Variants in SH3KBP1 observed in about 807,000 individuals in gnomAD.
The protein encoded by SH3KBP1 is SH3 domain containing kinase binding protein 1.
A neutral mutation model predicts 50.1 loss-of-function variants in SH3KBP1; 8 were observed. The observed-to-expected ratio is 0.16, with a 90% CI of 0.09 to 0.29. The LOEUF (loss-of-function observed/expected upper bound fraction) is 0.29. SH3KBP1 is among the 10% of genes least tolerant of loss of function. SH3KBP1 has a pLI of 1.00. For synonymous variants in SH3KBP1, 227 were observed against 218.6 expected (o/e 1.04, Z -0.34); for missense variants, 377 against 535.2 (o/e 0.70, Z 2.92).
rs188150599 is a variant in SH3KBP1 at position 19,722,633 on chromosome X, C to T, written c.287-15649G>A. 1.1e-4 allele frequency among the ~76,000 whole-genome samples: 11 copies of T among 103,898 alleles called. No individual in the cohort carries two copies. The East Asian group carries it at 2.1e-3, about 20-fold the overall frequency. The allele number at this position is 103,898 out of a possible 115,157, so 90.2% of individuals were successfully genotyped here. A position where few individuals can be genotyped will look rare whatever the true frequency, so the allele number is the denominator to read the frequency against. ...GTGTGTGTCCGTCCCCAGTGCCTGC[C>T]GGGCTGCAAGCACAGAAATATTCCA... On this transcript the variant is annotated intron_variant, in intron 3 of 17. Transcript: ENST00000397821.
chrX:19,879,822 G>A (rs2069378797), intron 1 of SH3KBP1, among the ~76,000 whole-genome samples: 1 of 113,266 alleles, frequency 8.8e-6, no homozygotes, highest in South Asian at 3.5e-4. Flanking sequence ...ATGAAGTAAG[G>A]AAATGGTGCT....
At chrX:19,783,745 A>T (rs1040359519) in intron 2 of SH3KBP1, among the ~76,000 whole-genome samples, 3 of 111,198 alleles carry the variant, frequency 2.7e-5, no homozygotes, top group Non-Finnish European at 5.7e-5. Flanking sequence ...GAAAACAAAT[A>T]AAAAAAAACT....
At chrX:19,566,382 G>A (rs745820227) in intron 13 of SH3KBP1, among the ~76,000 whole-genome samples, 10 of 99,876 alleles carry the variant, frequency 1.0e-4, no homozygotes, top group Non-Finnish European at 2.0e-4. Flanking sequence ...TCATGATAGC[G>A]ATCATAGACA....
chrX:19,808,206 C>A (rs1350056968), intron 2 of SH3KBP1, among the ~76,000 whole-genome samples: 2 of 110,950 alleles, frequency 1.8e-5, no homozygotes, highest in Non-Finnish European at 3.8e-5. Context: ...AAAATATACA[C>A]AGCGGGCCTG....
At chrX:19,637,773 G>A (rs2061741796) in intron 7 of SH3KBP1, among the ~76,000 whole-genome samples, 1 of 111,472 alleles carries the variant, frequency 9.0e-6, no homozygotes, top group South Asian at 3.8e-4. Flanking sequence ...CTCATCATCA[G>A]AGAAGCTTTA....
chrX:19,731,190 CG>C (rs1356300454), intron 3 of SH3KBP1, among the ~76,000 whole-genome samples: 1 of 112,267 alleles, frequency 8.9e-6, no homozygotes, highest in Non-Finnish European at 1.9e-5. Flanking sequence ...CCGCCCGCCT[CG>C]GCCTCCCAAA....
intron 2 of SH3KBP1, among the ~76,000 whole-genome samples, chrX:19,816,327 T>C (rs2067353939): frequency 8.9e-6 from 1 of 112,342 alleles, no homozygotes; most frequent in African/African-American, 3.2e-5. Flanking sequence ...TGAATGTCTG[T>C]TCGTGTATTT....
chrX:19,689,529 T>A lies in SH3KBP1; in HGVS notation c.521-5501A>T, dbSNP rs147341150. 4.5e-5 allele frequency among the ~76,000 whole-genome samples: 5 copies of A among 112,296 alleles called. No homozygotes were observed. The East Asian group carries it at 1.4e-3, about 31-fold the overall frequency. On this transcript the variant is annotated intron_variant, in intron 5 of 17. Coordinates refer to ENST00000397821, the MANE Select transcript of SH3KBP1 (RefSeq NM_031892.3). Reference sequence around the variant, plus strand: ...ATGTCTCTGAATGGTTAAGCCTTCCTGCAAAGTCTCTCTGTGCATTGGCAG... The same window carrying A: ...ATGTCTCTGAATGGTTAAGCCTTCCAGCAAAGTCTCTCTGTGCATTGGCAG...
chrX:19,801,475 T>C (rs1474185928), intron 2 of SH3KBP1, among the ~76,000 whole-genome samples: 1 of 112,255 alleles, frequency 8.9e-6, no homozygotes, highest in African/African-American at 3.2e-5. Flanking sequence ...AAGCAGTAAC[T>C]AACCGGGTAG....
intron 5 of SH3KBP1, among the ~76,000 whole-genome samples, chrX:19,685,091 C>G (rs907626789): frequency 1.8e-5 from 2 of 112,353 alleles, no homozygotes; most frequent in Admixed American, 9.4e-5. Context: ...TGTAGAATAG[C>G]TCCTGAACAT....
chrX:19,743,707 G>A (rs1013430237), intron 3 of SH3KBP1, among the ~76,000 whole-genome samples: 1 of 112,278 alleles, frequency 8.9e-6, no homozygotes, highest in African/African-American at 3.2e-5. Context: ...TTGCTGCAAA[G>A]TGAGGCATGT....
At chrX:19,674,741 C>A (rs2062885855) in intron 6 of SH3KBP1, among the ~76,000 whole-genome samples, 1 of 111,787 alleles carries the variant, frequency 8.9e-6, no homozygotes, top group African/African-American at 3.3e-5. Context: ...ACAGATATAG[C>A]AAAATTCAAT....
chrX:19,743,095 C>A (rs1311322463), intron 3 of SH3KBP1, among the ~76,000 whole-genome samples: 1 of 111,514 alleles, frequency 9.0e-6, no homozygotes, highest in Non-Finnish European at 1.9e-5. Context: ...TCTCTCAATT[C>A]CAGTCACATC....
intron 4 of SH3KBP1, among the ~76,000 whole-genome samples, chrX:19,706,140 T>A: frequency 9.0e-6 from 1 of 111,726 alleles, no homozygotes; most frequent in Middle Eastern, 4.6e-3. Flanking sequence ...TTCTGTAAGG[T>A]CAGAGGGTAT....
At chrX:19,804,284 T>G in intron 2 of SH3KBP1, among the ~76,000 whole-genome samples, 1 of 110,873 alleles carries the variant, frequency 9.0e-6, no homozygotes, top group East Asian at 2.8e-4. Flanking sequence ...TAATCATGAC[T>G]TCTCTTTTCC....
rs754960984 is a variant in SH3KBP1, at chrX:19,588,295, C to T, written c.1298+348G>A. ...GAGGCCGGCACAACATCCAGGGGGA[C>T]AAAGAGGGACACGCCACCTGCATTT... On this transcript the variant is annotated intron_variant, in intron 12 of 17. Transcript: ENST00000397821. 7 of 1,037,406 alleles carry T rather than the reference C, an allele frequency of 6.7e-6. No individual in the cohort carries two copies. The East Asian group carries it at 2.0e-4, about 30-fold the overall frequency. 85.5% of individuals were successfully genotyped at this position (1,037,406 alleles called of 1,213,427 possible).
chrX:19,826,037 T>C (rs1478909699), intron 2 of SH3KBP1, among the ~76,000 whole-genome samples: 14 of 112,192 alleles, frequency 1.2e-4, no homozygotes, highest in Admixed American at 3.8e-4. Context: ...GCAGCCATTA[T>C]TACTCCATAA....
At chrX:19,561,072 T>TCAAAAAA in intron 13 of SH3KBP1, among the ~76,000 whole-genome samples, 2 of 48,108 alleles carry the variant, frequency 4.2e-5, no homozygotes, top group African/African-American at 6.8e-5. Flanking sequence ...AGACCCTGTC[T>TCAAAAAA]AAAAAAAAAA....
intron 2 of SH3KBP1, among the ~76,000 whole-genome samples, chrX:19,832,178 A>C (rs2067915759): frequency 8.9e-6 from 1 of 112,055 alleles, no homozygotes; most frequent in Admixed American, 9.5e-5. Context: ...TCTCAAGAGC[A>C]TGTCTTCCCC....
Sources: allele counts gnomAD v4.1 joint callset (sites outside exome capture counted in the v4.1 genomes callset), GRCh38; gene constraint gnomAD v4.1.1; transcripts MANE v1.5; gene names NCBI Gene and HGNC (gene_info 2026-07-23, HGNC 2026-07-21).